Variants in BRF1 observed in about 807,000 individuals in gnomAD.
BRF1 encodes the protein transcription factor IIIB 90 kDa subunit.
In BRF1, 59 loss-of-function variants were observed where a neutral mutation model predicts 81.7. The observed-to-expected ratio is 0.72, with a 90% CI of 0.59 to 0.90. BRF1 has a LOEUF of 0.90. BRF1 is among the 40% of genes least tolerant of loss of function. BRF1 has a pLI of 0.00. For missense variants in BRF1, 1,050 were observed against 936.3 expected (o/e 1.12, Z -1.58); for synonymous variants, 491 against 395.6 (o/e 1.24, Z -2.86).
chr14:105,272,563 C>T (rs1279353765), intron 3 of BRF1, among the ~76,000 whole-genome samples, 158 bp downstream of exon 3: 1 of 152,230 alleles, frequency 6.6e-6, no homozygotes, highest in Non-Finnish European at 1.5e-5. Flanking sequence ...ACCCCAAATT[C>T]AGAAAGCCCT....
chr14:105,263,750 C>G (rs1337421957), intron 3 of BRF1, among the ~76,000 whole-genome samples: 3 of 151,754 alleles, frequency 2.0e-5, no homozygotes, highest in Admixed American at 6.6e-5. Flanking sequence ...ACGGCGAAAC[C>G]CTGTCTCTAC....
intron 1 of BRF1, among the ~76,000 whole-genome samples, chr14:105,291,814 A>G (rs867081331): frequency 9.2e-5 from 14 of 151,928 alleles, no homozygotes; most frequent in African/African-American, 3.4e-4. Context: ...CCTGGCCAAC[A>G]TGGCGAAACC....
At chr14:105,220,022 C>A in intron 12 of BRF1, 47 bp downstream of exon 12, 1 of 1,601,952 alleles carries the variant, frequency 6.2e-7, no homozygotes, top group South Asian at 1.1e-5. Flanking sequence ...TGGGCTGCAG[C>A]GCCCTCCCAA....
In BRF1 at chr14:105,300,865, G is replaced by A. The variant is rs1257853839; in HGVS notation, c.-236C>T. 3 of 171,416 alleles carry A rather than the reference G, an allele frequency of 1.8e-5. No homozygotes were observed. The highest frequency in any genetic ancestry group is 3.7e-5 in the Non-Finnish European group (3 of 82,078). 10.6% of individuals were successfully genotyped at this position (171,416 alleles called of 1,614,324 possible). A position where few individuals can be genotyped will look rare whatever the true frequency, so the allele number is the denominator to read the frequency against. On this transcript the variant is annotated 5_prime_UTR_variant, in exon 1 of 18. Transcript: ENST00000547530. ...ACCGGGACCACGGCGGGGACGCGAG[G>A]ACTGGAGCCGCGACCTCCCCACTGC...
intron 3 of BRF1, among the ~76,000 whole-genome samples, chr14:105,262,610 C>T (rs1341160134): frequency 6.6e-6 from 1 of 152,190 alleles, no homozygotes; most frequent in Non-Finnish European, 1.5e-5. Context: ...CTCAAAGATC[C>T]CTGCTCTGAA....
chr14:105,260,747 C>G (rs894422903), intron 3 of BRF1, among the ~76,000 whole-genome samples: 1 of 152,198 alleles, frequency 6.6e-6, no homozygotes, highest in Non-Finnish European at 1.5e-5. Flanking sequence ...AAACATTTAA[C>G]GAAGTTAGAA....
chr14:105,259,350 C>T (rs1411818230), intron 3 of BRF1, among the ~76,000 whole-genome samples: 1 of 152,130 alleles, frequency 6.6e-6, no homozygotes, highest in Non-Finnish European at 1.5e-5. Context: ...AAGGCTAAGG[C>T]AGGAGGATTG....
At chr14:105,250,524 A>G (rs1173465296) in intron 5 of BRF1, 1 of 1,614,058 alleles carries the variant, frequency 6.2e-7, no homozygotes, top group East Asian at 2.2e-5. Flanking sequence ...GCCGTCCTGG[A>G]CGGCAGCGAA....
intron 6 of BRF1, among the ~76,000 whole-genome samples, chr14:105,229,413 A>G (rs900959522): frequency 6.6e-6 from 1 of 152,136 alleles, no homozygotes; most frequent in Non-Finnish European, 1.5e-5. Flanking sequence ...CAGCGCAGGG[A>G]TGCCGGTACC....
chr14:105,274,009 C>G (rs1461784656), intron 2 of BRF1, among the ~76,000 whole-genome samples: 1 of 152,218 alleles, frequency 6.6e-6, no homozygotes, highest in African/African-American at 2.4e-5. Context: ...CGATATAAAA[C>G]CCGATTGTAC....
intron 4 of BRF1, among the ~76,000 whole-genome samples, chr14:105,252,866 G>A (rs2142191): frequency 8.5e-5 from 13 of 152,270 alleles, no homozygotes; most frequent in South Asian, 2.1e-4. Context: ...GTCATCACAC[G>A]GTGCACGCAG....
chr14:105,298,909 G>A (rs981307093), intron 1 of BRF1, among the ~76,000 whole-genome samples: 37 of 150,386 alleles, frequency 2.5e-4, no homozygotes, highest in Non-Finnish European at 3.2e-4. Flanking sequence ...AGTGGCTCAC[G>A]CCTGTAATCC....
At chr14:105,257,556 G>A (rs1278781932) in intron 3 of BRF1, among the ~76,000 whole-genome samples, 2 of 152,180 alleles carry the variant, frequency 1.3e-5, no homozygotes, top group Admixed American at 6.5e-5. Flanking sequence ...CGGCTGGGAC[G>A]TGAGCGGTGA....
chr14:105,283,055 G>A (rs1346317077), intron 2 of BRF1, among the ~76,000 whole-genome samples: 3 of 152,192 alleles, frequency 2.0e-5, no homozygotes, highest in African/African-American at 7.2e-5. Context: ...TGTGTCTCCA[G>A]AAGTATTTGA....
chr14:105,229,376 A>G lies in BRF1; in HGVS notation c.695-463T>C, dbSNP rs935764865. Reference sequence around the variant, plus strand: ...CATGGAGATCATGTGTGCAGATGGAACGGCTTCTCAGGTGGACTGAATCCT... The same window carrying G: ...CATGGAGATCATGTGTGCAGATGGAGCGGCTTCTCAGGTGGACTGAATCCT... On this transcript the variant is annotated intron_variant, in intron 6 of 17. Transcript: ENST00000547530. Among the ~76,000 whole-genome samples the G allele has an allele frequency of 3.9e-5, 6 of 152,320 alleles. No individual in the cohort carries two copies. The East Asian group carries it at 9.7e-4, about 25-fold the overall frequency.
At chr14:105,251,027 A>G in intron 5 of BRF1, 1 of 258,140 alleles carries the variant, frequency 3.9e-6, no homozygotes, top group Non-Finnish European at 8.0e-6. Flanking sequence ...CTTCCCTTCA[A>G]ATCTAAAATT....
chr14:105,273,745 C>T (rs1175568378), intron 2 of BRF1, among the ~76,000 whole-genome samples: 3 of 152,158 alleles, frequency 2.0e-5, no homozygotes, highest in African/African-American at 2.4e-5. Context: ...TCTCCAGTCT[C>T]GATGAACCAG....
At chr14:105,220,048 G>A in intron 12 of BRF1, 21 bp downstream of exon 12, 1 of 1,610,572 alleles carries the variant, frequency 6.2e-7, no homozygotes, top group Non-Finnish European at 8.5e-7. Flanking sequence ...GCCCCTCTTG[G>A]GAAGGGGTGC....
rs114508838 is a variant in BRF1, at chr14:105,228,719, C to A, written c.788+101G>T. On this transcript the variant is annotated intron_variant, in intron 7 of 17. Coordinates refer to ENST00000547530, the MANE Select transcript of BRF1 (RefSeq NM_001519.4). Reference sequence around the variant, plus strand: ...TCCTGGCCAGCAGCCAGGCGGGGGACGGCAGGGTCCCGGGAGGTGGCGCCT... The same window carrying A: ...TCCTGGCCAGCAGCCAGGCGGGGGAAGGCAGGGTCCCGGGAGGTGGCGCCT... 25 of 1,345,156 alleles carry A rather than the reference C, an allele frequency of 1.9e-5. No individual in the cohort carries two copies. In the East Asian group the frequency reaches 4.9e-4, roughly 26 times the overall value. 83.3% of individuals were successfully genotyped at this position (1,345,156 alleles called of 1,614,324 possible).
Sources: allele counts gnomAD v4.1 joint callset (sites outside exome capture counted in the v4.1 genomes callset), GRCh38; gene constraint gnomAD v4.1.1; transcripts MANE v1.5; gene names NCBI Gene and HGNC (gene_info 2026-07-23, HGNC 2026-07-21).